The following GNAL variants were observed in gnomAD, a reference collection of about 807,000 sequenced individuals.
The protein encoded by GNAL is guanine nucleotide-binding protein G(olf) subunit alpha.
A neutral mutation model predicts 55.1 loss-of-function variants in GNAL; 18 were observed. The observed-to-expected ratio is 0.33, with a 90% confidence interval of 0.23 to 0.48. The LOEUF is 0.48. Ranked by LOEUF, GNAL falls within the 20% of genes least tolerant of loss-of-function variation. The probability of loss-of-function intolerance (pLI) is 0.99; values close to 1 mark genes in which losing one functional copy is unlikely to be tolerated. For synonymous variants in GNAL, 253 were observed against 237.0 expected (o/e 1.07, Z -0.62); for missense variants, 412 against 614.1 (o/e 0.67, Z 3.48).
Position 11,746,081 on chromosome 18 carries a change from TC to T in GNAL, c.377-6770del, listed in dbSNP as rs1239003147. The T allele has an allele frequency of 6.4e-6, 3 of 467,294 alleles. No homozygotes were observed. In the East Asian group the frequency reaches 1.6e-4, roughly 25 times the overall value. The allele number at this position is 467,294 out of a possible 1,614,324, so 28.9% of individuals were successfully genotyped here. On this transcript the variant is annotated intron_variant, in intron 1 of 11. Coordinates refer to ENST00000334049, the MANE Select transcript of GNAL (RefSeq NM_182978.4). ...TGTCTTCAGAAGCTGAAGTTCTTGT[TC>T]CATTGGAGCACTCCACGACTCCCCT...
chr18:11,757,881 G>A (rs950741658), intron 4 of GNAL, among the ~76,000 whole-genome samples: 3 of 151,952 alleles, frequency 2.0e-5, no homozygotes, highest in Non-Finnish European at 2.9e-5. Flanking sequence ...CAAGGTCACC[G>A]GTGACCTTGA....
At chr18:11,714,432 C>A (rs1019698121) in intron 1 of GNAL, among the ~76,000 whole-genome samples, 1 of 152,136 alleles carries the variant, frequency 6.6e-6, no homozygotes, top group East Asian at 1.9e-4. Flanking sequence ...GCTGAGCGCT[C>A]GCTGAATCCA....
At chr18:11,821,445 GT>G (rs1024415843) in intron 4 of GNAL, among the ~76,000 whole-genome samples, 2 of 152,202 alleles carry the variant, frequency 1.3e-5, no homozygotes, top group Non-Finnish European at 2.9e-5. Context: ...ACCTCTTCCA[GT>G]TTTGTGAGAG....
intron 10 of GNAL, among the ~76,000 whole-genome samples, chr18:11,873,462 A>G (rs533999138): frequency 1.3e-5 from 2 of 152,336 alleles, no homozygotes; most frequent in Non-Finnish European, 2.9e-5. Flanking sequence ...TCCTTATAGG[A>G]ATAAATAATA....
rs1210089810 is a variant in GNAL at position 11,868,494 on chromosome 18, C to T, written c.911-49C>T. On this transcript the variant is annotated intron_variant, in intron 8 of 11. Transcript: ENST00000334049. The surrounding 1 kb of genome is among the most constrained non-coding windows in gnomAD (Gnocchi z 4.0). ...CTGGGTGTGTACTTTCTTGTAACTC[C>T]ACAGTGAGGATGTCTAACTGAGGTG... 1 of 1,545,938 alleles carries T rather than the reference C, an allele frequency of 6.5e-7. No individual in the cohort carries two copies.
intron 5 of GNAL, among the ~76,000 whole-genome samples, chr18:11,836,525 A>G (rs1327796935): frequency 6.6e-6 from 1 of 152,176 alleles, no homozygotes; most frequent in African/African-American, 2.4e-5. Context: ...TAGCTGTAAG[A>G]TAGCTCATAT....
chr18:11,727,611 G>A (rs1019460854), intron 1 of GNAL, among the ~76,000 whole-genome samples: 3 of 152,158 alleles, frequency 2.0e-5, no homozygotes, highest in African/African-American at 7.2e-5. Context: ...CATTTATTGA[G>A]CCAATTGTAT....
In GNAL at chr18:11,751,259, G is replaced by A. The variant is rs1471225250; in HGVS notation, c.377-1594G>A. 6.6e-6 allele frequency among the ~76,000 whole-genome samples: 1 copy of A among 152,146 alleles called. No individual in the cohort carries two copies. Among genetic ancestry groups the A allele is most frequent in the African/African-American group, 2.4e-5 (1 of 41,424 alleles). On this transcript the variant is annotated intron_variant, in intron 1 of 11. Transcript: ENST00000334049. This position sits in a 1 kb window ranked among gnomAD's most constrained non-coding sequence, Gnocchi z 4.5. The stretch of plus-strand genomic sequence containing the variant: ...CCAAGTACAACACTGCAAACGCCAA[G>A]CTGCCGGCTCTGGCCCTATTGGAGG...
At chr18:11,834,484 C>T (rs1378563082) in intron 5 of GNAL, among the ~76,000 whole-genome samples, 8 of 152,016 alleles carry the variant, frequency 5.3e-5, no homozygotes, top group Non-Finnish European at 1.2e-4. Context: ...CTTTGGGAGG[C>T]CAAGGTGGGA....
At chr18:11,698,259 G>A (rs534949587) in intron 1 of GNAL, among the ~76,000 whole-genome samples, 7 of 152,214 alleles carry the variant, frequency 4.6e-5, no homozygotes, top group Admixed American at 1.3e-4. Context: ...TTGGGAGGCC[G>A]AGGCGGGTGG....
intron 4 of GNAL, among the ~76,000 whole-genome samples, chr18:11,760,574 C>T (rs1036776185): frequency 4.6e-5 from 7 of 152,138 alleles, no homozygotes; most frequent in African/African-American, 1.7e-4. Context: ...TATAGGGGCC[C>T]ACTTAAGGTC....
At chr18:11,756,924 A>G (rs112929819) in intron 4 of GNAL, among the ~76,000 whole-genome samples, 1 of 152,218 alleles carries the variant, frequency 6.6e-6, no homozygotes, top group African/African-American at 2.4e-5. Flanking sequence ...AAAGCCTGTC[A>G]GTGTCATGGT....
chr18:11,831,920 A>C (rs1447349730), intron 5 of GNAL, among the ~76,000 whole-genome samples: 1 of 149,488 alleles, frequency 6.7e-6, no homozygotes, highest in Non-Finnish European at 1.5e-5. Flanking sequence ...CTGTGAGAAT[A>C]ATTATTATCA....
In GNAL at chr18:11,751,550, G is replaced by A; in HGVS notation, c.377-1303G>A. ...TCCTCCTCCCTGCTAGAATATGCAT[G>A]ATCCTCCGCGAGTCTTCGCCCGCCA... is the stretch of plus-strand genomic sequence containing the variant. On this transcript the variant is annotated intron_variant, in intron 1 of 11. Transcript: ENST00000334049. This position sits in a 1 kb window ranked among gnomAD's most constrained non-coding sequence, Gnocchi z 4.5. 1 of 985,540 alleles carries A rather than the reference G, an allele frequency of 1.0e-6. No individual in the cohort carries two copies. The highest frequency in any genetic ancestry group is 1.2e-6 in the Non-Finnish European group (1 of 829,984). 61.0% of individuals were successfully genotyped at this position (985,540 alleles called of 1,614,324 possible).
chr18:11,707,519 C>T (rs945375922), intron 1 of GNAL, among the ~76,000 whole-genome samples: 1 of 152,100 alleles, frequency 6.6e-6, no homozygotes, highest in African/African-American at 2.4e-5. Context: ...TCTGTTTTTC[C>T]ACTGATAGAG....
intron 1 of GNAL, among the ~76,000 whole-genome samples, chr18:11,749,837 C>A (rs867003278): frequency 1.4e-4 from 21 of 152,176 alleles, no homozygotes; most frequent in African/African-American, 5.1e-4. Flanking sequence ...GCAGCACATG[C>A]ACCCGACCAG....
At position 11,744,289 on chromosome 18, in the gene GNAL, T is replaced by C. The variant is rs530178881; in HGVS notation, c.377-8564T>C. On this transcript the variant is annotated intron_variant, in intron 1 of 11. Coordinates refer to ENST00000334049, the MANE Select transcript of GNAL (RefSeq NM_182978.4). ...CTTAATATTACTTTGGTTATAGGGG[T>C]AAGAAAAATAGAAGATAAATTATTT... is the stretch of plus-strand genomic sequence containing the variant. Among the ~76,000 whole-genome samples, 6 of 152,234 alleles carry C rather than the reference T, an allele frequency of 3.9e-5. No homozygotes were observed. In the South Asian group the frequency reaches 1.2e-3, roughly 32 times the overall value.
Position 11,817,869 on chromosome 18 carries a change from G to A in GNAL, c.625-7049G>A, listed in dbSNP as rs1052544238. 3.9e-5 allele frequency among the ~76,000 whole-genome samples: 6 copies of A among 151,924 alleles called. No homozygotes were observed. The South Asian group carries it at 1.2e-3, about 32-fold the overall frequency. On this transcript the variant is annotated intron_variant, in intron 4 of 11. Coordinates refer to ENST00000334049, the MANE Select transcript of GNAL (RefSeq NM_182978.4). ...CTCCCAAAGTGTCGGTATTACAGGC[G>A]TGAGCCACCGCGCACAACCCATTTG...
chr18:11,799,703 C>A (rs1484122935), intron 4 of GNAL, among the ~76,000 whole-genome samples: 2 of 152,140 alleles, frequency 1.3e-5, no homozygotes, highest in African/African-American at 4.8e-5. Context: ...ATATGAAATA[C>A]TTTTGGCCCC....
Sources: allele counts gnomAD v4.1 joint callset (sites outside exome capture counted in the v4.1 genomes callset), GRCh38; gene constraint gnomAD v4.1.1; non-coding constraint Gnocchi (gnomAD v3.1); transcripts MANE v1.5; gene names NCBI Gene and HGNC (gene_info 2026-07-23, HGNC 2026-07-21).